FAM169A: variants seen among roughly 807,000 people sequenced by gnomAD.
FAM169A encodes soluble lamin-associated protein of 75 kDa.
FAM169A carries 24 observed loss-of-function variants against 75.7 expected under a neutral mutation model. The observed-to-expected ratio is 0.32, with a 90% CI of 0.23 to 0.45. The LOEUF (loss-of-function observed/expected upper bound fraction) is 0.45. Among genes scored for constraint, FAM169A ranks in the 20% least tolerant of loss-of-function variants. The pLI is 1.00. For missense variants in FAM169A, 673 were observed against 784.0 expected (o/e 0.86, Z 1.69); for synonymous variants, 271 against 271.0 (o/e 1.00, Z 0.00).
At chr5:74,804,462 A>C in intron 8 of FAM169A, 31 bp downstream of exon 8, 5 of 1,144,648 alleles carry the variant, frequency 4.4e-6, no homozygotes, top group Non-Finnish European at 6.0e-6. Flanking sequence ...AATTTTATAT[A>C]CAACAATAAA....
chr5:74,799,440 T>A, intron 10 of FAM169A: 1 of 1,612,926 alleles, frequency 6.2e-7, no homozygotes, highest in Non-Finnish European at 8.5e-7. Flanking sequence ...TCAGCTTGGA[T>A]TGGCATCCCA....
intron 10 of FAM169A, chr5:74,799,346 G>T (rs989238159): frequency 3.1e-6 from 5 of 1,609,510 alleles, no homozygotes; most frequent in Non-Finnish European, 4.3e-6. Flanking sequence ...AGTGAAGCAC[G>T]ACTCATTTCA....
At chr5:74,800,256 T>TTTTG (rs1388494536) in intron 10 of FAM169A, among the ~76,000 whole-genome samples, 1 of 125,732 alleles carries the variant, frequency 8.0e-6, no homozygotes, top group Non-Finnish European at 1.6e-5. Flanking sequence ...AAAGCAATGT[T>TTTTG]TTTGTTTGTT....
At chr5:74,812,340 T>C (rs1473545716) in intron 6 of FAM169A, among the ~76,000 whole-genome samples, 2 of 152,118 alleles carry the variant, frequency 1.3e-5, no homozygotes, top group Non-Finnish European at 2.9e-5. Flanking sequence ...TTGTCCAGGC[T>C]GGTCTCGAAT....
chr5:74,861,262 G>A (rs1047312705), intron 1 of FAM169A, among the ~76,000 whole-genome samples: 26 of 152,260 alleles, frequency 1.7e-4, no homozygotes, highest in Middle Eastern at 6.8e-3. Context: ...ATAAGCCTTG[G>A]TTATTCCACT....
intron 5 of FAM169A, among the ~76,000 whole-genome samples, chr5:74,830,751 T>C (rs546272736): frequency 6.6e-6 from 1 of 152,242 alleles, no homozygotes; most frequent in South Asian, 2.1e-4. Context: ...ATGCCCAAAC[T>C]TGAAACTATA....
chr5:74,804,821 G>A (rs1410626419), intron 7 of FAM169A, among the ~76,000 whole-genome samples: 1 of 152,166 alleles, frequency 6.6e-6, no homozygotes. Flanking sequence ...TAGCTTTGGG[G>A]AGAAGTGCAT....
chr5:74,851,343 A>G (rs1749435410), intron 1 of FAM169A, among the ~76,000 whole-genome samples: 1 of 152,200 alleles, frequency 6.6e-6, no homozygotes, highest in Non-Finnish European at 1.5e-5. Context: ...GGGAGACAAA[A>G]TATCAATTTT....
chr5:74,797,808 C>T (rs11952887), intron 10 of FAM169A, among the ~76,000 whole-genome samples: 1 of 152,088 alleles, frequency 6.6e-6, no homozygotes, highest in African/African-American at 2.4e-5. Flanking sequence ...CTTTAGGCAT[C>T]GTGGGCCATA....
In FAM169A at chr5:74,791,149, C is replaced by T. The variant is rs549356492; in HGVS notation, c.1260+4881G>A. Among the ~76,000 whole-genome samples the T allele has an allele frequency of 9.9e-5, 15 of 152,270 alleles. No homozygotes were observed. The East Asian group carries it at 1.4e-3, about 14-fold the overall frequency. On this transcript the variant is annotated intron_variant, in intron 11 of 12. Transcript: ENST00000687041. ...CATCATCTTGAAGCAGCTGGATTGA[C>T]AGAATGGTGGAATGTCCTTTTGAAG...
intron 5 of FAM169A, among the ~76,000 whole-genome samples, chr5:74,827,032 G>T (rs1748064771): frequency 6.6e-6 from 1 of 152,066 alleles, no homozygotes; most frequent in African/African-American, 2.4e-5. Flanking sequence ...AATGAACTGA[G>T]ATCATAAATT....
At chr5:74,852,695 A>G (rs576898461) in intron 1 of FAM169A, among the ~76,000 whole-genome samples, 4 of 152,200 alleles carry the variant, frequency 2.6e-5, no homozygotes, top group Middle Eastern at 3.4e-3. Flanking sequence ...GTTAAGGTAT[A>G]TAACGGCAAA....
At chr5:74,826,373 A>G (rs1748027063) in intron 5 of FAM169A, among the ~76,000 whole-genome samples, 1 of 152,182 alleles carries the variant, frequency 6.6e-6, no homozygotes, top group Non-Finnish European at 1.5e-5. Context: ...CTCTGTGTGT[A>G]TGGTGGGGCT....
chr5:74,812,406 C>T lies in FAM169A; in HGVS notation c.670+1434G>A, dbSNP rs573064671. On this transcript the variant is annotated intron_variant, in intron 6 of 12. Transcript: ENST00000687041. The stretch of plus-strand genomic sequence containing the variant: ...GCTCCTAAAGTGCTAGAATTACAGG[C>T]GTGAGCCACCATACCCAGCCAATGC... Among the ~76,000 whole-genome samples, 12 of 152,004 alleles carry T rather than the reference C, an allele frequency of 7.9e-5. No individual in the cohort carries two copies. In the East Asian group the frequency reaches 2.1e-3, roughly 27 times the overall value.
chr5:74,811,020 T>C (rs1474884905), intron 6 of FAM169A, among the ~76,000 whole-genome samples: 1 of 147,392 alleles, frequency 6.8e-6, no homozygotes, highest in Non-Finnish European at 1.5e-5. Flanking sequence ...TCTCGCTCTG[T>C]CACCCAGGTT....
Position 74,805,342 on chromosome 5 carries a change from A to G in FAM169A, c.671-58T>C, listed in dbSNP as rs1003841219. 3 of 1,566,296 alleles carry G rather than the reference A, an allele frequency of 1.9e-6. No homozygotes were observed. The South Asian group carries it at 3.5e-5, about 18-fold the overall frequency. ...CCAAATATCCACTGTTTTGAAAAACAGGAGTTGAAAAGTAAGCTTCCCAAC... is the reference window on the plus strand; with the variant it reads ...CCAAATATCCACTGTTTTGAAAAACGGGAGTTGAAAAGTAAGCTTCCCAAC... On this transcript the variant is annotated intron_variant, in intron 6 of 12. Coordinates refer to ENST00000687041, the MANE Select transcript of FAM169A (RefSeq NM_001376049.1).
chr5:74,828,847 T>C (rs1192648175), intron 5 of FAM169A, among the ~76,000 whole-genome samples: 1 of 152,078 alleles, frequency 6.6e-6, no homozygotes, highest in Admixed American at 6.6e-5. Context: ...CAAGAGAGAG[T>C]AGAGGCTGAG....
chr5:74,860,938 C>A (rs1434356992), intron 1 of FAM169A, among the ~76,000 whole-genome samples: 1 of 151,758 alleles, frequency 6.6e-6, no homozygotes, highest in African/African-American at 2.4e-5. Flanking sequence ...GAGTTTGAGA[C>A]CAGCCTGGCC....
intron 1 of FAM169A, among the ~76,000 whole-genome samples, chr5:74,863,954 GCTTA>G (rs1750170012): frequency 6.6e-6 from 1 of 152,048 alleles, no homozygotes; most frequent in Non-Finnish European, 1.5e-5. Flanking sequence ...GGCAATCTTT[GCTTA>G]CTTAAATTCC....
Sources: gnomAD v4.1 joint callset for allele counts (sites outside exome capture counted in the v4.1 genomes callset) on GRCh38, gnomAD v4.1.1 for gene constraint, MANE v1.5 for transcripts, NCBI Gene and HGNC (gene_info 2026-07-23, HGNC 2026-07-21) for gene names.